Variants in L3HYPDH observed in about 807,000 individuals in gnomAD.
L3HYPDH encodes the protein trans-3-hydroxy-L-proline dehydratase.
A neutral mutation model predicts 26.5 loss-of-function variants in L3HYPDH; 32 were observed. The ratio of observed to expected loss-of-function variants is 1.21; its 90% CI spans 0.91 to 1.62. L3HYPDH has a LOEUF of 1.62. Ranked by LOEUF, L3HYPDH falls within the 40% of genes most tolerant of loss-of-function variation. L3HYPDH has a pLI of 0.00. For synonymous variants in L3HYPDH, 215 were observed against 196.6 expected (o/e 1.09, Z -0.78); for missense variants, 554 against 476.4 (o/e 1.16, Z -1.52).
chr14:59,486,803 G>C (rs1203031233), upstream of L3HYPDH: 3 of 1,535,532 alleles, frequency 2.0e-6, no homozygotes, highest in Non-Finnish European at 2.7e-6. Flanking sequence ...GGAGAATGTG[G>C]GGTAAGTCTT....
the L3HYPDH span, among the ~76,000 whole-genome samples, chr14:59,500,625 C>G: frequency 6.6e-6 from 1 of 152,114 alleles, no homozygotes; most frequent in South Asian, 2.1e-4. Context: ...TTATAGATAA[C>G]CTTTTTCAAC....
downstream of L3HYPDH, among the ~76,000 whole-genome samples, chr14:59,468,987 C>G (rs1439556670): frequency 2.6e-5 from 4 of 152,096 alleles, no homozygotes; most frequent in Non-Finnish European, 5.9e-5. Context: ...ACTGGAAGGA[C>G]AGGGGAAGTT....
At chr14:59,493,728 C>T in the L3HYPDH span, among the ~76,000 whole-genome samples, 1 of 152,112 alleles carries the variant, frequency 6.6e-6, no homozygotes, top group East Asian at 1.9e-4. Flanking sequence ...ACTTGACAAG[C>T]CAATTTTAAA....
chr14:59,493,293 T>C, the L3HYPDH span, among the ~76,000 whole-genome samples: 1 of 152,214 alleles, frequency 6.6e-6, no homozygotes, highest in Non-Finnish European at 1.5e-5. Flanking sequence ...GGCACACCTG[T>C]TAACAGCCTT....
At chr14:59,488,615 A>G (rs1425694336), upstream of L3HYPDH, among the ~76,000 whole-genome samples, 2 of 152,186 alleles carry the variant, frequency 1.3e-5, no homozygotes, top group East Asian at 3.9e-4. Flanking sequence ...AGTAGGAAAG[A>G]TAGGTTGAGG....
At chr14:59,489,227 C>T (rs1295489440), upstream of L3HYPDH, among the ~76,000 whole-genome samples, 1 of 152,204 alleles carries the variant, frequency 6.6e-6, no homozygotes, top group Non-Finnish European at 1.5e-5. Context: ...TTCCTTTGCT[C>T]CCACATCTAT....
At chr14:59,494,334 A>G in the L3HYPDH span, among the ~76,000 whole-genome samples, 1 of 152,228 alleles carries the variant, frequency 6.6e-6, no homozygotes, top group Non-Finnish European at 1.5e-5. Flanking sequence ...GGATAAACAA[A>G]TCACAGTATT....
Position 59,473,021 on chromosome 14 carries a change from C to T in L3HYPDH, c.1009G>A (p.Ala337Thr). ...VSGQAHYTGT[A>T]SFIIEDDDPL... is the part of the protein sequence containing the mutation. The stretch of plus-strand genomic sequence containing the variant: ...TCGTCATCTTCTATTATAAAGCTTG[C>T]TGTACCCGTGTAATGGGCTTGTCCT... The change falls in exon 5 of 5, where the codon GCA becomes ACA. Residue 337 changes from alanine (A) to threonine (T), a missense_variant. Ala to Thr is a moderately conservative substitution (Grantham distance 58, BLOSUM62 0). Transcript: ENST00000247194. The T allele has an allele frequency of 6.2e-7, 1 of 1,609,082 alleles. No homozygotes were observed. Among genetic ancestry groups the T allele is most frequent in the African/African-American group, 1.3e-5 (1 of 74,578 alleles).
At chr14:59,498,709 C>A in the L3HYPDH span, 1 of 1,287,902 alleles carries the variant, frequency 7.8e-7, no homozygotes, top group South Asian at 1.4e-5. Context: ...GTTACAAATT[C>A]TTTATTTTAT....
At chr14:59,485,910 C>T (rs1350535538), upstream of L3HYPDH, 2 of 152,092 alleles carry the variant, frequency 1.3e-5, no homozygotes, top group East Asian at 1.9e-4. Flanking sequence ...GCCACCTCAC[C>T]GAGCCTGTTT....
the L3HYPDH span, chr14:59,495,118 C>A: frequency 6.2e-7 from 1 of 1,613,240 alleles, no homozygotes; most frequent in Non-Finnish European, 8.5e-7. Flanking sequence ...TCTTTATATT[C>A]GTTCATGTCG....
the L3HYPDH span, chr14:59,498,793 G>T: frequency 6.2e-7 from 1 of 1,603,940 alleles, no homozygotes; most frequent in East Asian, 2.2e-5. Flanking sequence ...GACCTCTTCT[G>T]GTGAAGAAGA....
upstream of L3HYPDH, among the ~76,000 whole-genome samples, chr14:59,488,246 A>G (rs1890729319): frequency 6.6e-6 from 1 of 152,098 alleles, no homozygotes; most frequent in Admixed American, 6.6e-5. Flanking sequence ...TTAAATCAGC[A>G]CACATTTACT....
At chr14:59,495,065 T>C in the L3HYPDH span, 2 of 1,613,990 alleles carry the variant, frequency 1.2e-6, no homozygotes, top group Non-Finnish European at 1.7e-6. Flanking sequence ...GAATGCAGCA[T>C]GGCAGCTATT....
At chr14:59,481,751 T>C (rs1890039249) in intron 1 of L3HYPDH, among the ~76,000 whole-genome samples, 1 of 152,180 alleles carries the variant, frequency 6.6e-6, no homozygotes, top group African/African-American at 2.4e-5. Context: ...TTGAAACATA[T>C]CTCCTTAAAC....
the L3HYPDH span, chr14:59,503,729 G>T: frequency 1.6e-6 from 1 of 625,590 alleles, no homozygotes; most frequent in Non-Finnish European, 2.6e-6. Flanking sequence ...GTCTTTTTTA[G>T]CTCAAACATT....
chr14:59,482,292 T>C (rs1890078269), intron 1 of L3HYPDH, among the ~76,000 whole-genome samples: 1 of 152,168 alleles, frequency 6.6e-6, no homozygotes. Context: ...TTTTTCAAAG[T>C]AGAGAATATA....
chr14:59,490,455 T>A, the L3HYPDH span, among the ~76,000 whole-genome samples: 1 of 152,144 alleles, frequency 6.6e-6, no homozygotes, highest in Non-Finnish European at 1.5e-5. Context: ...AGGTCTGGTG[T>A]ATGGAAGTGG....
chr14:59,492,848 A>C, the L3HYPDH span, among the ~76,000 whole-genome samples: 1 of 139,690 alleles, frequency 7.2e-6, no homozygotes, highest in African/African-American at 2.7e-5. Context: ...CCCAGGCTGG[A>C]GTGCGGTGGT....
Sources: allele counts gnomAD v4.1 joint callset (sites outside exome capture counted in the v4.1 genomes callset), GRCh38; gene constraint gnomAD v4.1.1; transcripts MANE v1.5; gene names NCBI Gene and HGNC (gene_info 2026-07-23, HGNC 2026-07-21).